OSBPL9: variants seen among roughly 807,000 people sequenced by gnomAD.
OSBPL9 encodes oxysterol binding protein like 9, also known as oxysterol-binding protein-related protein 9.
A neutral mutation model predicts 106.6 loss-of-function variants in OSBPL9; 40 were observed. The observed-to-expected ratio is 0.38, with a 90% CI of 0.29 to 0.49. The LOEUF is 0.49. Among genes scored for constraint, OSBPL9 ranks in the 20% least tolerant of loss-of-function variants. The probability of loss-of-function intolerance (pLI) is 0.97; values close to 1 mark genes in which losing one functional copy is unlikely to be tolerated. For missense variants in OSBPL9, 609 were observed against 887.2 expected, an observed-to-expected ratio of 0.69 and a Z score of 3.98; for synonymous variants, 269 against 295.4, an observed-to-expected ratio of 0.91 and a Z score of 0.92.
At chr1:51,775,983 T>C (rs1346169494) in intron 14 of OSBPL9, among the ~76,000 whole-genome samples, 1 of 152,182 alleles carries the variant, frequency 6.6e-6, no homozygotes, top group African/African-American at 2.4e-5. Context: ...AAGAAATTTT[T>C]GCTTACTCTG....
chr1:51,549,399 A>G, the OSBPL9 span, among the ~76,000 whole-genome samples: 1 of 152,200 alleles, frequency 6.6e-6, no homozygotes, highest in Non-Finnish European at 1.5e-5. Flanking sequence ...CATTTATTCA[A>G]CTAATTTTTA....
the OSBPL9 span, among the ~76,000 whole-genome samples, chr1:51,545,803 T>A: frequency 6.6e-6 from 1 of 152,108 alleles, no homozygotes; most frequent in South Asian, 2.1e-4. Context: ...AAGAGATGCT[T>A]AATTATAGCT....
the OSBPL9 span, among the ~76,000 whole-genome samples, chr1:51,548,763 A>G: frequency 6.6e-6 from 1 of 152,218 alleles, no homozygotes; most frequent in Non-Finnish European, 1.5e-5. Flanking sequence ...CAAAGGTGAG[A>G]GCAGCAGCTT....
chr1:51,749,368 A>T (rs997711849), intron 7 of OSBPL9: 24 of 168,234 alleles, frequency 1.4e-4, no homozygotes, highest in Non-Finnish European at 1.1e-4. Context: ...GCTGGAGTAC[A>T]ATGGTGCAGT....
intron 3 of OSBPL9, among the ~76,000 whole-genome samples, chr1:51,705,281 G>A (rs566737010): frequency 4.1e-4 from 61 of 148,420 alleles, no homozygotes; most frequent in South Asian, 1.5e-3. Context: ...CTGCAGGCGT[G>A]TGCTGCTGCA....
At chr1:51,698,087 G>A (rs1656456365) in intron 3 of OSBPL9, among the ~76,000 whole-genome samples, 1 of 152,076 alleles carries the variant, frequency 6.6e-6, no homozygotes, top group Non-Finnish European at 1.5e-5. Flanking sequence ...ATCCCCATAG[G>A]TAATATTATC....
chr1:51,577,500 C>T (rs989457513), intron 1 of OSBPL9, among the ~76,000 whole-genome samples: 2 of 151,914 alleles, frequency 1.3e-5, no homozygotes, highest in African/African-American at 4.8e-5. Flanking sequence ...GTCTCCGTCT[C>T]CTGACCTCGT....
At chr1:51,550,254 A>C in the OSBPL9 span, among the ~76,000 whole-genome samples, 8 of 152,278 alleles carry the variant, frequency 5.3e-5, no homozygotes, top group Non-Finnish European at 1.0e-4. Flanking sequence ...AAGAATGTGC[A>C]TGATGACACG....
At chr1:51,612,875 C>G (rs1431776141), upstream of OSBPL9, among the ~76,000 whole-genome samples, 1 of 152,216 alleles carries the variant, frequency 6.6e-6, no homozygotes, top group Non-Finnish European at 1.5e-5. Context: ...ATCTGGCATG[C>G]AAAGACCTAG....
At chr1:51,547,689 CA>C in the OSBPL9 span, among the ~76,000 whole-genome samples, 7 of 151,866 alleles carry the variant, frequency 4.6e-5, no homozygotes, top group African/African-American at 1.7e-4. Flanking sequence ...ACTAAAAATA[CA>C]AAAATTAGCT....
intron 1 of OSBPL9, among the ~76,000 whole-genome samples, chr1:51,591,209 T>G (rs1645273796): frequency 6.6e-6 from 1 of 150,676 alleles, no homozygotes; most frequent in African/African-American, 2.4e-5. Context: ...TGAGCCACCG[T>G]GCCGGGCCCA....
chr1:51,654,273 G>A (rs1238461129), intron 2 of OSBPL9, among the ~76,000 whole-genome samples: 2 of 152,110 alleles, frequency 1.3e-5, no homozygotes, highest in Non-Finnish European at 2.9e-5. Flanking sequence ...AGCTATTGAT[G>A]TTCAGTACCT....
chr1:51,604,040 G>A (rs1053085859), intron 2 of OSBPL9, among the ~76,000 whole-genome samples: 3 of 152,060 alleles, frequency 2.0e-5, no homozygotes, highest in Admixed American at 6.6e-5. Context: ...TTAAGTCTCC[G>A]AAACTCCCAG....
intron 1 of OSBPL9, among the ~76,000 whole-genome samples, chr1:51,631,692 C>G (rs1387179640): frequency 1.3e-5 from 2 of 152,158 alleles, no homozygotes; most frequent in Admixed American, 1.3e-4. Flanking sequence ...GGTGGTCTCT[C>G]TCATTAGATT....
intron 3 of OSBPL9, among the ~76,000 whole-genome samples, chr1:51,699,473 CCT>C (rs2148849279): frequency 6.6e-6 from 1 of 152,182 alleles, no homozygotes; most frequent in East Asian, 1.9e-4. Context: ...AGAAGCTTTC[CCT>C]GAGTTCGCCT....
At chr1:51,756,617 T>A (rs1571575651) in intron 9 of OSBPL9, 1 of 409,534 alleles carries the variant, frequency 2.4e-6, no homozygotes, top group East Asian at 4.0e-5. Context: ...AATCATGGTA[T>A]GAATACTCAG....
At chr1:51,659,176 G>A (rs12086613) in intron 2 of OSBPL9, among the ~76,000 whole-genome samples, 164 of 152,176 alleles carry the variant, frequency 1.1e-3, no homozygotes, top group African/African-American at 3.6e-3. Flanking sequence ...AGAATACTAA[G>A]AAAAGAAATT....
chr1:51,735,322 T>C (rs887576477), intron 4 of OSBPL9, among the ~76,000 whole-genome samples: 1 of 152,208 alleles, frequency 6.6e-6, no homozygotes, highest in Non-Finnish European at 1.5e-5. Context: ...TCAGCATCTC[T>C]TGTTAGTTTT....
the OSBPL9 span, among the ~76,000 whole-genome samples, chr1:51,549,714 C>T: frequency 6.6e-6 from 1 of 152,176 alleles, no homozygotes; most frequent in South Asian, 2.1e-4. Flanking sequence ...CGCCTGTACT[C>T]CCAAGCTACT....
Sources: allele counts gnomAD v4.1 joint callset (sites outside exome capture counted in the v4.1 genomes callset), GRCh38; gene constraint gnomAD v4.1.1; transcripts MANE v1.5; gene names NCBI Gene and HGNC (gene_info 2026-07-23, HGNC 2026-07-21).